NXN: variants seen among roughly 807,000 people sequenced by gnomAD.
NXN encodes nucleoredoxin 1.
Under a neutral mutation model 48.6 loss-of-function variants are expected in NXN, and 16 were observed. That is an observed-to-expected ratio of 0.33 (90% confidence interval 0.22 to 0.50). The LOEUF (loss-of-function observed/expected upper bound fraction) is 0.50, where lower values mean the gene tolerates loss of function less well. NXN is among the 20% of genes least tolerant of loss of function. The probability of loss-of-function intolerance (pLI) is 0.98; values close to 1 mark genes in which losing one functional copy is unlikely to be tolerated. For missense variants in NXN, 492 were observed against 605.5 expected (o/e 0.81, Z 1.97); for synonymous variants, 281 against 269.6 (o/e 1.04, Z -0.41).
At chr17:814,219 A>G (rs1912342298) in intron 5 of NXN, among the ~76,000 whole-genome samples, 1 of 152,140 alleles carries the variant, frequency 6.6e-6, no homozygotes, top group Non-Finnish European at 1.5e-5. Flanking sequence ...AGATTGCGCC[A>G]CTGCACTCCA....
Position 958,633 on chromosome 17 carries a change from T to C in NXN, c.360+20686A>G, listed in dbSNP as rs577236062. On this transcript the variant is annotated intron_variant, in intron 1 of 7. Transcript: ENST00000336868. This position sits in a 1 kb window ranked among gnomAD's most constrained non-coding sequence, Gnocchi z 6.9. ...TAAAAATACAAAAATTAGCCAGGCG[T>C]GGTGGCGTGCGCCTGTAGTCCCAGC... is the stretch of plus-strand genomic sequence containing the variant. Among the ~76,000 whole-genome samples the C allele has an allele frequency of 6.6e-6, 1 of 152,162 alleles. No homozygotes were observed. Among genetic ancestry groups the C allele is most frequent in the South Asian group, 2.1e-4 (1 of 4,818 alleles).
At chr17:811,696 G>A (rs1046220732) in intron 5 of NXN, among the ~76,000 whole-genome samples, 30 of 152,216 alleles carry the variant, frequency 2.0e-4, no homozygotes, top group African/African-American at 4.1e-4. Context: ...TGGCCAGGCC[G>A]GCCTGGGGCC....
chr17:871,565 C>T (rs142494156), intron 1 of NXN, among the ~76,000 whole-genome samples: 74 of 151,694 alleles, frequency 4.9e-4, no homozygotes, highest in African/African-American at 1.6e-3. Flanking sequence ...CCACCATGCC[C>T]AGCTAATTTT....
intron 5 of NXN, among the ~76,000 whole-genome samples, chr17:812,915 T>C (rs1042870458): frequency 8.5e-6 from 1 of 117,840 alleles, no homozygotes; most frequent in South Asian, 2.9e-4. Context: ...TGTGTGACTG[T>C]AGGTGTGTGC....
Position 919,957 on chromosome 17 carries a change from G to A in NXN, c.360+59362C>T, listed in dbSNP as rs955578171. 2.0e-5 allele frequency among the ~76,000 whole-genome samples: 3 copies of A among 151,480 alleles called. No individual in the cohort carries two copies. Among genetic ancestry groups the A allele is most frequent in the Non-Finnish European group, 3.0e-5 (2 of 67,556 alleles). On this transcript the variant is annotated intron_variant, in intron 1 of 7. Transcript: ENST00000336868. The surrounding 1 kb of genome is among the most constrained non-coding windows in gnomAD (Gnocchi z 5.1). Reference sequence around the variant, plus strand: ...ATCTCTCTCTGCCTCAGCCCCCACCGGCACCCTTGGTGCCTTCATCACCCA... The same window carrying A: ...ATCTCTCTCTGCCTCAGCCCCCACCAGCACCCTTGGTGCCTTCATCACCCA...
At chr17:817,752 TC>T (rs1857380190) in intron 5 of NXN, among the ~76,000 whole-genome samples, 1 of 152,126 alleles carries the variant, frequency 6.6e-6, no homozygotes, top group Non-Finnish European at 1.5e-5. Flanking sequence ...GTCTTTTTTT[TC>T]ACTCTCTGTA....
intron 1 of NXN, chr17:864,008 C>A (rs1416970434): frequency 2.6e-6 from 4 of 1,535,292 alleles, no homozygotes; most frequent in Non-Finnish European, 3.5e-6. Context: ...TGAAAGGACA[C>A]AGTTACCGTT....
chr17:892,448 C>G (rs1463023125), intron 1 of NXN, among the ~76,000 whole-genome samples: 1 of 152,230 alleles, frequency 6.6e-6, no homozygotes, highest in Non-Finnish European at 1.5e-5. Flanking sequence ...TCCAAATCCA[C>G]CTGGTGCCTC....
Position 907,340 on chromosome 17 carries a change from C to G in NXN, c.360+71979G>C, listed in dbSNP as rs937391858. Among the ~76,000 whole-genome samples, 12 of 66,788 alleles carry G rather than the reference C, an allele frequency of 1.8e-4. No individual in the cohort carries two copies. The Admixed American group carries it at 2.8e-3, about 15-fold the overall frequency. The allele number at this position is 66,788 out of a possible 152,430, so 43.8% of individuals were successfully genotyped here. ...GTGAGGAGAAGTGATGTCTCAATAC[C>G]TATTTTTTTTTTTTTTTTAAACAGA... On this transcript the variant is annotated intron_variant, in intron 1 of 7. Transcript: ENST00000336868.
At chr17:896,854 ACCACCCGCC>A in intron 1 of NXN, 4 of 908,588 alleles carry the variant, frequency 4.4e-6, no homozygotes, top group Non-Finnish European at 6.0e-6. Context: ...CGCGGTCCTG[ACCACCCGCC>A]CCCGGCCCCT....
In NXN at chr17:839,797, T is replaced by TTAAAAA. The variant is rs1555612501; in HGVS notation, c.361-13720_361-13719insTTTTTA. Among the ~76,000 whole-genome samples the TTAAAAA allele has an allele frequency of 7.9e-4, 45 of 57,274 alleles. 4 individuals are homozygous for TTAAAAA. The East Asian group carries it at 0.035, about 44-fold the overall frequency. The allele number at this position is 57,274 out of a possible 152,430, so 37.6% of individuals were successfully genotyped here. A position where few individuals can be genotyped will look rare whatever the true frequency, so the allele number is the denominator to read the frequency against. On this transcript the variant is annotated intron_variant, in intron 1 of 7. Coordinates refer to ENST00000336868, the MANE Select transcript of NXN (RefSeq NM_022463.5). ...CAGCCTGGCGACAGAGAGACCTTGTTAAAAAAAAAAAAAAAAAGGCCAGGC... is the reference window on the plus strand; with the variant it reads ...CAGCCTGGCGACAGAGAGACCTTGTTTAAAAAAAAAAAAAAAAAAAAAAGGCCAGGC...
intron 1 of NXN, among the ~76,000 whole-genome samples, chr17:832,564 C>T (rs1439972252): frequency 1.3e-5 from 2 of 152,060 alleles, no homozygotes; most frequent in Admixed American, 6.6e-5. Flanking sequence ...TCAGGAGAAA[C>T]GCCATCTCCC....
At chr17:852,076 G>C (rs546670098) in intron 1 of NXN, among the ~76,000 whole-genome samples, 12 of 152,328 alleles carry the variant, frequency 7.9e-5, no homozygotes, top group Admixed American at 2.0e-4. Flanking sequence ...CTGTGCCAAC[G>C]GAGGCAGCAG....
chr17:914,482 C>CT (rs1181238593), intron 1 of NXN, among the ~76,000 whole-genome samples: 2 of 152,120 alleles, frequency 1.3e-5, no homozygotes, highest in Non-Finnish European at 2.9e-5. Flanking sequence ...AAGGAAGATT[C>CT]TTTTTAAGGC....
chr17:890,558 T>C (rs901891437), intron 1 of NXN, among the ~76,000 whole-genome samples: 1 of 150,430 alleles, frequency 6.6e-6, no homozygotes, highest in Non-Finnish European at 1.5e-5. Context: ...GTATTTTTTT[T>C]TTTAGTAGAG....
intron 1 of NXN, among the ~76,000 whole-genome samples, chr17:977,357 C>T (rs2069473337): frequency 6.6e-6 from 1 of 152,240 alleles, no homozygotes; most frequent in Non-Finnish European, 1.5e-5. Context: ...AAATGAGAGT[C>T]TGCCCTGTGT....
chr17:858,724 G>A (rs1193280523), intron 1 of NXN, among the ~76,000 whole-genome samples: 2 of 149,190 alleles, frequency 1.3e-5, no homozygotes, highest in South Asian at 2.1e-4. Flanking sequence ...GCGAGACTCC[G>A]TCTCAAAAAA....
chr17:875,812 G>T (rs1453490862), intron 1 of NXN, among the ~76,000 whole-genome samples: 2 of 151,978 alleles, frequency 1.3e-5, no homozygotes, highest in African/African-American at 4.8e-5. Flanking sequence ...TGCTCAGGGG[G>T]TCTCAAGCTC....
At chr17:889,933 C>T (rs1226732475) in intron 1 of NXN, among the ~76,000 whole-genome samples, 1 of 152,072 alleles carries the variant, frequency 6.6e-6, no homozygotes, top group African/African-American at 2.4e-5. Context: ...CCCAACCTGC[C>T]GTAGATCACG....
Sources: gnomAD v4.1 joint callset for allele counts (sites outside exome capture counted in the v4.1 genomes callset) on GRCh38, gnomAD v4.1.1 for gene constraint, Gnocchi (gnomAD v3.1) non-coding constraint, MANE v1.5 for transcripts, NCBI Gene and HGNC (gene_info 2026-07-23, HGNC 2026-07-21) for gene names.